Variants in TEAD4 observed in about 807,000 individuals in gnomAD.
The protein encoded by TEAD4 is TEA domain transcription factor 4.
Under a neutral mutation model 52.4 loss-of-function variants are expected in TEAD4, and 36 were observed. The observed-to-expected ratio is 0.69, with a 90% CI of 0.53 to 0.91. The LOEUF (loss-of-function observed/expected upper bound fraction) is 0.91. Among genes scored for constraint, TEAD4 ranks in the 40% least tolerant of loss-of-function variants. TEAD4 has a pLI of 0.00. For missense variants in TEAD4, 508 were observed against 583.9 expected (o/e 0.87, Z 1.34); for synonymous variants, 220 against 231.0 (o/e 0.95, Z 0.43).
chr12:3,000,942 G>GC (rs912976092), intron 3 of TEAD4, among the ~76,000 whole-genome samples: 3 of 152,276 alleles, frequency 2.0e-5, no homozygotes, highest in African/African-American at 4.8e-5. Context: ...CTGGGCTCCT[G>GC]CCCCCCGCTT....
intron 10 of TEAD4, among the ~76,000 whole-genome samples, chr12:3,032,396 G>A (rs959149254): frequency 1.3e-5 from 2 of 152,140 alleles, no homozygotes; most frequent in Admixed American, 6.5e-5. Flanking sequence ...CGCGAGTCTC[G>A]GGGTCCTGGG....
At chr12:2,964,145 A>T (rs1405246776) in intron 2 of TEAD4, among the ~76,000 whole-genome samples, 2 of 152,174 alleles carry the variant, frequency 1.3e-5, no homozygotes, top group South Asian at 4.1e-4. Context: ...GTGTGAAGCT[A>T]GAGCTCCGTG....
chr12:3,031,982 C>T (rs1485373159), intron 10 of TEAD4, among the ~76,000 whole-genome samples: 2 of 152,152 alleles, frequency 1.3e-5, no homozygotes, highest in Admixed American at 6.5e-5. Flanking sequence ...ATCCCCAGCC[C>T]CCTGAGGAAC....
intron 2 of TEAD4, among the ~76,000 whole-genome samples, chr12:2,990,758 G>T (rs142409434): frequency 2.8e-4 from 43 of 152,104 alleles, no homozygotes; most frequent in Non-Finnish European, 5.4e-4. Flanking sequence ...GAGCCACTTC[G>T]CCTGGCCCAG....
chr12:2,980,303 G>A (rs1027404346), intron 2 of TEAD4, among the ~76,000 whole-genome samples: 1 of 152,082 alleles, frequency 6.6e-6, no homozygotes, highest in South Asian at 2.1e-4. Context: ...AGAGGTCTTC[G>A]TGTCTGCAGA....
At chr12:3,034,223 T>C (rs2098277869) in intron 10 of TEAD4, among the ~76,000 whole-genome samples, 1 of 146,672 alleles carries the variant, frequency 6.8e-6, no homozygotes, top group Non-Finnish European at 1.5e-5. Context: ...TGGGAGCTGA[T>C]GACAGAAGAG....
intron 3 of TEAD4, among the ~76,000 whole-genome samples, chr12:3,003,541 T>C (rs1156809233): frequency 6.6e-6 from 1 of 152,104 alleles, no homozygotes; most frequent in African/African-American, 2.4e-5. Context: ...AGTGTGGGGC[T>C]AGGAGAAAGC....
At chr12:2,972,491 C>CT (rs751852771) in intron 2 of TEAD4, among the ~76,000 whole-genome samples, 18,967 of 35,140 alleles carry the variant, frequency 0.54, 6,036 homozygotes, top group Middle Eastern at 0.68. Flanking sequence ...CAGCATGTCT[C>CT]TTTTTTTTTT....
At chr12:3,035,905 G>T (rs376044522) in intron 10 of TEAD4, among the ~76,000 whole-genome samples, 5 of 151,576 alleles carry the variant, frequency 3.3e-5, no homozygotes, top group African/African-American at 9.7e-5. Flanking sequence ...ATATTTGCCT[G>T]TAAGACCTTC....
intron 8 of TEAD4, among the ~76,000 whole-genome samples, chr12:3,020,154 G>A (rs3782836): frequency 0.6 from 91,371 of 152,018 alleles, 28,219 homozygotes; most frequent in East Asian, 0.8. Flanking sequence ...CTGGATTGAG[G>A]GGCTCTTCTG....
At chr12:3,035,130 A>G (rs1006289008) in intron 10 of TEAD4, among the ~76,000 whole-genome samples, 1 of 152,176 alleles carries the variant, frequency 6.6e-6, no homozygotes, top group Non-Finnish European at 1.5e-5. Flanking sequence ...ATAGTTATAT[A>G]GTTATTTTCA....
At chr12:2,962,745 C>T (rs1240196467) in intron 2 of TEAD4, among the ~76,000 whole-genome samples, 2 of 152,154 alleles carry the variant, frequency 1.3e-5, no homozygotes, top group Admixed American at 6.5e-5. Context: ...GGATTACAGG[C>T]GTGAGCCACT....
chr12:2,995,166 C>G (rs968762854), intron 3 of TEAD4, among the ~76,000 whole-genome samples, 174 bp downstream of exon 3: 3 of 152,050 alleles, frequency 2.0e-5, no homozygotes, highest in Admixed American at 2.0e-4. Context: ...TGAGGAGAAG[C>G]CTGTGAGGGG....
chr12:3,023,226 G>A (rs920361954), intron 10 of TEAD4, among the ~76,000 whole-genome samples: 2 of 152,154 alleles, frequency 1.3e-5, no homozygotes, highest in Admixed American at 6.5e-5. Context: ...AGATGGGAAA[G>A]GCTGTTGCGG....
intron 2 of TEAD4, among the ~76,000 whole-genome samples, chr12:2,965,497 A>G (rs936690332): frequency 2.6e-5 from 4 of 152,066 alleles, no homozygotes; most frequent in Non-Finnish European, 5.9e-5. Flanking sequence ...AAAAAAAAAA[A>G]GTGAAGTTAA....
Position 3,040,444 on chromosome 12 carries a change from C to G in TEAD4, c.1271C>G (p.Ala424Gly). Residue 424 changes from alanine (A) to glycine (G), a missense_variant, in exon 13 of 13, where the codon GCT becomes GGT. Coordinates refer to ENST00000359864, the MANE Select transcript of TEAD4 (RefSeq NM_003213.4). ...GAGGTGTCAGCCAGTGAGCACGGGG[C>G]TCAGCACCACATCTACAGGCTGGTG... is the stretch of plus-strand genomic sequence containing the variant. The G allele has an allele frequency of 6.2e-7, 1 of 1,614,090 alleles. No individual in the cohort carries two copies. The highest frequency in any genetic ancestry group is 8.5e-7 in the Non-Finnish European group (1 of 1,180,012).
intron 3 of TEAD4, among the ~76,000 whole-genome samples, chr12:2,999,307 C>T (rs996640073): frequency 3.9e-5 from 6 of 152,204 alleles, no homozygotes; most frequent in African/African-American, 1.4e-4. Flanking sequence ...CCTCACTTCC[C>T]TGCATCCAAA....
At chr12:3,023,234 C>T (rs930385557) in intron 10 of TEAD4, among the ~76,000 whole-genome samples, 1 of 152,068 alleles carries the variant, frequency 6.6e-6, no homozygotes, top group Admixed American at 6.6e-5. Context: ...AAGGCTGTTG[C>T]GGCCTGGGAG....
intron 10 of TEAD4, among the ~76,000 whole-genome samples, chr12:3,024,463 C>T (rs1591594911): frequency 6.6e-6 from 1 of 152,148 alleles, no homozygotes; most frequent in African/African-American, 2.4e-5. Context: ...TACTTGAGTT[C>T]AAGACCAGCC....
Sources: allele counts gnomAD v4.1 joint callset (sites outside exome capture counted in the v4.1 genomes callset), GRCh38; gene constraint gnomAD v4.1.1; transcripts MANE v1.5; gene names NCBI Gene and HGNC (gene_info 2026-07-23, HGNC 2026-07-21).